The following EHBP1 variants were observed in gnomAD, a reference collection of about 807,000 sequenced individuals.
The protein encoded by EHBP1 is EH domain-binding protein 1.
EHBP1 carries 55 observed loss-of-function variants against 144.0 expected under a neutral mutation model. That is an observed-to-expected ratio of 0.38 (90% CI 0.31 to 0.48). EHBP1 has a LOEUF of 0.48. Among genes scored for constraint, EHBP1 ranks in the 20% least tolerant of loss-of-function variants. The probability of loss-of-function intolerance (pLI) is 0.98; values close to 1 mark genes in which losing one functional copy is unlikely to be tolerated. For synonymous variants in EHBP1, 469 were observed against 472.7 expected, an observed-to-expected ratio of 0.99 and a Z score of 0.10; for missense variants, 1,200 against 1,364.2, an observed-to-expected ratio of 0.88 and a Z score of 1.90.
intron 1 of EHBP1, 63 bp downstream of exon 1, chr2:62,706,115 C>G (rs917341335): frequency 6.5e-6 from 1 of 154,008 alleles, no homozygotes; most frequent in South Asian, 1.8e-4. Context: ...GGGCTGGGGT[C>G]TTCTGGTATC....
intron 3 of EHBP1, 121 bp from the exon 4 acceptor site, chr2:62,764,145 T>C (rs2040983384): frequency 1.4e-6 from 1 of 710,272 alleles, no homozygotes; most frequent in Non-Finnish European, 2.2e-6. Context: ...CAATATACCA[T>C]TGTAAATTAC....
At chr2:62,699,230 A>G (rs774143703) in intron 1 of EHBP1, among the ~76,000 whole-genome samples, 1 of 152,004 alleles carries the variant, frequency 6.6e-6, no homozygotes, top group Non-Finnish European at 1.5e-5. Context: ...GGTTACCTGG[A>G]TTTTTTTTCC....
At chr2:62,882,751 G>T (rs564174127) in intron 10 of EHBP1, among the ~76,000 whole-genome samples, 1 of 152,068 alleles carries the variant, frequency 6.6e-6, no homozygotes, top group Admixed American at 6.5e-5. Context: ...GTGTGGTGGC[G>T]CATGCCTGTA....
chr2:62,787,418 C>T (rs1266555926), intron 5 of EHBP1, among the ~76,000 whole-genome samples: 1 of 134,256 alleles, frequency 7.4e-6, no homozygotes. Context: ...CCCCCTTGCT[C>T]CATTAATGTG....
rs1022733909 is a variant in EHBP1, at chr2:62,928,385, C to T, written c.1186-14333C>T. On this transcript the variant is annotated intron_variant, in intron 10 of 22. Transcript: ENST00000431489. Reference sequence around the variant, plus strand: ...TGTGGTGGGAATCAAAAAGTAAGTACTCACCCTCCAAGTCCTTTCTGGTGG... The same window carrying T: ...TGTGGTGGGAATCAAAAAGTAAGTATTCACCCTCCAAGTCCTTTCTGGTGG... Among the ~76,000 whole-genome samples, 12 of 152,208 alleles carry T rather than the reference C, an allele frequency of 7.9e-5. No individual in the cohort carries two copies. In the South Asian group the frequency reaches 2.3e-3, roughly 29 times the overall value.
intron 10 of EHBP1, among the ~76,000 whole-genome samples, chr2:62,930,733 A>G (rs1322956975): frequency 6.6e-6 from 1 of 152,218 alleles, no homozygotes; most frequent in African/African-American, 2.4e-5. Context: ...TAATAAGGTC[A>G]GTGATTTTCA....
chr2:62,685,373 T>C (rs1558507451), intron 1 of EHBP1, among the ~76,000 whole-genome samples: 2 of 152,184 alleles, frequency 1.3e-5, no homozygotes, highest in Non-Finnish European at 2.9e-5. Context: ...TGGTTCCTTC[T>C]GAGGGTTATG....
chr2:62,695,213 T>C (rs1176237455), intron 1 of EHBP1, among the ~76,000 whole-genome samples: 1 of 151,818 alleles, frequency 6.6e-6, no homozygotes, highest in Admixed American at 6.6e-5. Flanking sequence ...ATACAAAAAT[T>C]AGGTGGGCAT....
At chr2:62,749,680 T>G (rs2039492122) in intron 3 of EHBP1, among the ~76,000 whole-genome samples, 1 of 152,222 alleles carries the variant, frequency 6.6e-6, no homozygotes, top group African/African-American at 2.4e-5. Context: ...CCATTCTAAC[T>G]GGTGTGAGAT....
intron 7 of EHBP1, among the ~76,000 whole-genome samples, chr2:62,856,482 G>T (rs2049066606): frequency 6.6e-6 from 1 of 152,196 alleles, no homozygotes; most frequent in South Asian, 2.1e-4. Context: ...TGGTGTGTCT[G>T]ACTGCACAGT....
At position 62,891,803 on chromosome 2, in the gene EHBP1, T is replaced by C. The variant is rs545330365; in HGVS notation, c.1185+17271T>C. Among the ~76,000 whole-genome samples the C allele has an allele frequency of 3.3e-5, 5 of 151,688 alleles. No homozygotes were observed. The East Asian group carries it at 9.7e-4, about 29-fold the overall frequency. Reference sequence around the variant, plus strand: ...GTTTATGGCTTAGGAAACTTTTAATTTTTTTTTTAAACTTCCAATAATTAG... The same window carrying C: ...GTTTATGGCTTAGGAAACTTTTAATCTTTTTTTTAAACTTCCAATAATTAG... On this transcript the variant is annotated intron_variant, in intron 10 of 22. Coordinates refer to ENST00000431489, the MANE Select transcript of EHBP1 (RefSeq NM_001142616.3).
chr2:63,044,073 G>T (rs1216179549), intron 21 of EHBP1: 4 of 148,140 alleles, frequency 2.7e-5, no homozygotes, highest in African/African-American at 1.0e-4. Flanking sequence ...AGGGAGGCGG[G>T]GTAGACTGGG....
At chr2:62,728,018 G>A (rs1199853003) in intron 2 of EHBP1, among the ~76,000 whole-genome samples, 2 of 152,162 alleles carry the variant, frequency 1.3e-5, no homozygotes, top group African/African-American at 4.8e-5. Context: ...TGAAGGGTAG[G>A]GTATGAGGGT....
intron 10 of EHBP1, among the ~76,000 whole-genome samples, chr2:62,890,960 A>G (rs2052410788): frequency 6.6e-6 from 1 of 152,160 alleles, no homozygotes; most frequent in South Asian, 2.1e-4. Flanking sequence ...CAGGTAGATC[A>G]CAAGATCAGG....
intron 2 of EHBP1, among the ~76,000 whole-genome samples, chr2:62,739,836 T>G (rs888422813): frequency 2.0e-5 from 3 of 150,536 alleles, no homozygotes; most frequent in African/African-American, 7.4e-5. Context: ...CTCAGGAGGC[T>G]GAAGCAGGAG....
intron 5 of EHBP1, among the ~76,000 whole-genome samples, chr2:62,800,522 C>T (rs2043902517): frequency 6.6e-6 from 1 of 152,032 alleles, no homozygotes; most frequent in East Asian, 1.9e-4. Flanking sequence ...TTTATACTGG[C>T]AGTTGTCTGG....
intron 1 of EHBP1, among the ~76,000 whole-genome samples, chr2:62,696,511 T>C (rs868373914): frequency 2.6e-4 from 11 of 41,886 alleles, no homozygotes; most frequent in African/African-American, 7.6e-4. Flanking sequence ...TTTTCTTCTT[T>C]TTTTTTTTTT....
At chr2:62,693,441 T>C (rs1449787320) in intron 1 of EHBP1, among the ~76,000 whole-genome samples, 1 of 152,202 alleles carries the variant, frequency 6.6e-6, no homozygotes, top group African/African-American at 2.4e-5. Context: ...CCTTATCAGA[T>C]ATATGGTTTG....
At chr2:62,823,692 T>G (rs1250818013) in intron 5 of EHBP1, among the ~76,000 whole-genome samples, 1 of 152,140 alleles carries the variant, frequency 6.6e-6, no homozygotes, top group Admixed American at 6.5e-5. Flanking sequence ...CTCATTACTA[T>G]TCTTCTTAAA....
Sources: allele counts gnomAD v4.1 joint callset (sites outside exome capture counted in the v4.1 genomes callset), GRCh38; gene constraint gnomAD v4.1.1; transcripts MANE v1.5; gene names NCBI Gene and HGNC (gene_info 2026-07-23, HGNC 2026-07-21).